Variants in SCAPER observed in about 807,000 individuals in gnomAD.
SCAPER encodes S phase cyclin A-associated protein in the endoplasmic reticulum.
A neutral mutation model predicts 182.2 loss-of-function variants in SCAPER; 98 were observed. The observed-to-expected ratio is 0.54, with a 90% CI of 0.46 to 0.64. SCAPER has a LOEUF of 0.64. SCAPER is among the 30% of genes least tolerant of loss of function. SCAPER has a pLI of 0.00. For synonymous variants in SCAPER, 605 were observed against 564.6 expected (o/e 1.07, Z -1.01); for missense variants, 1,432 against 1,690.0 (o/e 0.85, Z 2.68).
intron 22 of SCAPER, among the ~76,000 whole-genome samples, chr15:76,596,761 C>T (rs2049533384): frequency 8.4e-6 from 1 of 119,734 alleles, no homozygotes; most frequent in African/African-American, 2.5e-5. Context: ...AATTCAAAAC[C>T]CTTCATGCTA....
chr15:76,776,898 C>T (rs959042296), intron 8 of SCAPER, among the ~76,000 whole-genome samples: 2 of 152,008 alleles, frequency 1.3e-5, no homozygotes, highest in African/African-American at 2.4e-5. Flanking sequence ...AAAAGAAATA[C>T]TTTTCAATAC....
intron 23 of SCAPER, among the ~76,000 whole-genome samples, chr15:76,549,850 C>G (rs2045610996): frequency 6.6e-6 from 1 of 152,020 alleles, no homozygotes; most frequent in South Asian, 2.1e-4. Flanking sequence ...ATCTGAAACT[C>G]TAAAACTACT....
At chr15:76,708,899 C>G (rs914646618) in intron 17 of SCAPER, among the ~76,000 whole-genome samples, 1 of 151,962 alleles carries the variant, frequency 6.6e-6, no homozygotes, top group Non-Finnish European at 1.5e-5. Flanking sequence ...AACCCTGTCT[C>G]TACTAAAAAT....
intron 15 of SCAPER, among the ~76,000 whole-genome samples, chr15:76,738,795 TA>T (rs1294941889): frequency 6.6e-6 from 1 of 152,112 alleles, no homozygotes; most frequent in Non-Finnish European, 1.5e-5. Flanking sequence ...CAGATCACCA[TA>T]ATAAATATAA....
intron 22 of SCAPER, among the ~76,000 whole-genome samples, chr15:76,586,397 CTTTA>C (rs937559001): frequency 1.3e-5 from 2 of 151,988 alleles, no homozygotes; most frequent in African/African-American, 2.4e-5. Context: ...AAATTTAGGG[CTTTA>C]TTTAGACATT....
At chr15:76,497,809 G>A (rs922422069) in intron 24 of SCAPER, among the ~76,000 whole-genome samples, 10 of 151,730 alleles carry the variant, frequency 6.6e-5, no homozygotes, top group Non-Finnish European at 1.5e-4. Context: ...TGACCAACAT[G>A]GTGAAACCCC....
At chr15:76,715,002 C>A (rs970137386) in intron 17 of SCAPER, among the ~76,000 whole-genome samples, 6 of 152,096 alleles carry the variant, frequency 3.9e-5, no homozygotes, top group Non-Finnish European at 8.8e-5. Context: ...AGCAGCATGA[C>A]ATCCCCCAGC....
intron 14 of SCAPER, among the ~76,000 whole-genome samples, chr15:76,762,480 T>C (rs2062853205): frequency 6.6e-6 from 1 of 152,006 alleles, no homozygotes; most frequent in Non-Finnish European, 1.5e-5. Flanking sequence ...TCTACTTTAA[T>C]TTAATTTGAA....
chr15:76,742,112 T>C (rs538427860), intron 15 of SCAPER, among the ~76,000 whole-genome samples: 1 of 152,216 alleles, frequency 6.6e-6, no homozygotes, highest in Admixed American at 6.5e-5. Flanking sequence ...AGATGCCTGA[T>C]GGTGTTCATA....
At chr15:76,591,277 C>G (rs1473958622) in intron 22 of SCAPER, among the ~76,000 whole-genome samples, 1 of 152,086 alleles carries the variant, frequency 6.6e-6, no homozygotes, top group Non-Finnish European at 1.5e-5. Flanking sequence ...CAGGGTGGAA[C>G]CCTTCCGAGT....
intron 23 of SCAPER, among the ~76,000 whole-genome samples, chr15:76,522,427 A>C (rs1159985396): frequency 1.3e-5 from 2 of 152,164 alleles, no homozygotes; most frequent in Admixed American, 1.3e-4. Flanking sequence ...ATAATAAACT[A>C]ATTTTTAAGT....
intron 17 of SCAPER, among the ~76,000 whole-genome samples, chr15:76,707,482 A>G (rs1485604202): frequency 2.0e-5 from 3 of 152,152 alleles, no homozygotes; most frequent in African/African-American, 4.8e-5. Flanking sequence ...TACAACAGAG[A>G]CAATTTGACA....
At chr15:76,501,059 T>G (rs1597058716) in intron 24 of SCAPER, among the ~76,000 whole-genome samples, 1 of 151,570 alleles carries the variant, frequency 6.6e-6, no homozygotes, top group South Asian at 2.1e-4. Context: ...AAAAAAAAGT[T>G]TGTAGGCAGA....
chr15:76,570,923 G>A (rs964714782), intron 23 of SCAPER, among the ~76,000 whole-genome samples: 12 of 152,150 alleles, frequency 7.9e-5, no homozygotes, highest in African/African-American at 2.9e-4. Flanking sequence ...TGGACTATGG[G>A]TATAAATTCT....
chr15:76,802,355 C>G (rs2065861273), intron 6 of SCAPER, among the ~76,000 whole-genome samples: 1 of 151,892 alleles, frequency 6.6e-6, no homozygotes, highest in South Asian at 2.1e-4. Flanking sequence ...TGCTTATTGT[C>G]ACAAAGACAA....
rs756873352 is a variant in SCAPER, at chr15:76,775,089, G to A, written c.801C>T (p.Thr267=). The part of the protein sequence containing the change: ...NERKDAEGWE[T]VQRGRPIRSR... ...AACGAATAGGCCTTCCTCTCTGAAC[G>A]GTCTCCCATCCTTCAGCATCTTTCC... The change falls in exon 9 of 32, where the codon ACC becomes ACT. Residue 267 remains threonine (T), a synonymous_variant. Transcript: ENST00000563290. 3.5e-5 allele frequency: 56 copies of A among 1,612,904 alleles called. No individual in the cohort carries two copies. The East Asian group carries it at 6.5e-4, about 19-fold the overall frequency.
At chr15:76,882,080 C>A (rs1306335954) in intron 2 of SCAPER, among the ~76,000 whole-genome samples, 1 of 151,944 alleles carries the variant, frequency 6.6e-6, no homozygotes, top group East Asian at 1.9e-4. Context: ...AAGCTGAGGA[C>A]AGTGGAATCT....
At chr15:76,505,133 C>T (rs1004084809) in intron 23 of SCAPER, among the ~76,000 whole-genome samples, 159 bp from the exon 24 acceptor site, 1 of 152,048 alleles carries the variant, frequency 6.6e-6, no homozygotes, top group African/African-American at 2.4e-5. Flanking sequence ...TGTTTCAGTA[C>T]TAGGAAATAT....
intron 17 of SCAPER, among the ~76,000 whole-genome samples, chr15:76,713,421 C>T (rs2059703067): frequency 6.6e-6 from 1 of 151,682 alleles, no homozygotes; most frequent in Admixed American, 6.6e-5. Context: ...AAATGTGGCA[C>T]ATATACACCA....
Sources: allele counts gnomAD v4.1 joint callset (sites outside exome capture counted in the v4.1 genomes callset), GRCh38; gene constraint gnomAD v4.1.1; transcripts MANE v1.5; gene names NCBI Gene and HGNC (gene_info 2026-07-23, HGNC 2026-07-21).